Variants in FADS2 observed in about 807,000 individuals in gnomAD.
FADS2 encodes acyl-CoA 6-desaturase.
Under a neutral mutation model 61.2 loss-of-function variants are expected in FADS2, and 18 were observed. The ratio of observed to expected loss-of-function variants is 0.29; its 90% CI spans 0.20 to 0.44. The LOEUF (loss-of-function observed/expected upper bound fraction) is 0.44. FADS2 is among the 20% of genes least tolerant of loss of function. The pLI is 1.00. For synonymous variants in FADS2, 203 were observed against 223.9 expected (o/e 0.91, Z 0.83); for missense variants, 322 against 572.7 (o/e 0.56, Z 4.47).
At chr11:61,819,226 A>G (rs2067014570) in intron 1 of FADS2, among the ~76,000 whole-genome samples, 1 of 152,256 alleles carries the variant, frequency 6.6e-6, no homozygotes, top group Non-Finnish European at 1.5e-5. Flanking sequence ...TAGAAAAATA[A>G]AAATGTTCCC....
At chr11:61,863,181 C>T in intron 8 of FADS2, 101 bp from the exon 9 acceptor site, 1 of 1,439,024 alleles carries the variant, frequency 6.9e-7, no homozygotes, top group Non-Finnish European at 9.8e-7. Context: ...CCCATCCTGG[C>T]CCCTTGGCAG....
intron 5 of FADS2, among the ~76,000 whole-genome samples, chr11:61,849,019 G>A (rs537592530): frequency 1.2e-4 from 18 of 152,234 alleles, no homozygotes; most frequent in Admixed American, 3.3e-4. Flanking sequence ...TCCTGCCTCC[G>A]CCTCCCACGT....
chr11:61,840,820 G>A, intron 4 of FADS2, 95 bp downstream of exon 4: 1 of 959,780 alleles, frequency 1.0e-6, no homozygotes, highest in African/African-American at 1.6e-5. Context: ...GAGGCTACAG[G>A]GTGACAAGGC....
Position 61,828,462 on chromosome 11 carries a change from G to C in FADS2, c.72G>C (p.Glu24Asp). The change falls in exon 1 of 12, where the codon GAG becomes GAC. Residue 24 changes from glutamate to aspartate, a missense_variant. Coordinates refer to ENST00000278840, the MANE Select transcript of FADS2 (RefSeq NM_004265.4). The surrounding 1 kb of genome is among the most constrained non-coding windows in gnomAD (Gnocchi z 6.4). The part of the protein sequence containing the change: ...REVSVPTFSW[E>D]EIQKHNLRTD... ...TGTCGGTGCCCACCTTCAGCTGGGA[G>C]GAGATTCAGAAGCATAACCTGCGCA... The C allele has an allele frequency of 3.7e-6, 6 of 1,606,714 alleles. No homozygotes were observed. The highest frequency in any genetic ancestry group is 5.1e-6 in the Non-Finnish European group (6 of 1,177,550).
intron 5 of FADS2, among the ~76,000 whole-genome samples, chr11:61,850,652 A>G (rs963270929): frequency 6.6e-6 from 1 of 152,174 alleles, no homozygotes; most frequent in African/African-American, 2.4e-5. Flanking sequence ...TCGGGACCTA[A>G]TTTAGAAGAA....
chr11:61,828,807 G>T lies in FADS2; in HGVS notation c.207+210G>T, dbSNP rs920341747. The stretch of plus-strand genomic sequence containing the variant: ...GGTGGAGACCGGATCTGGGACCCGG[G>T]GAGGCGGCGCTGCGGTGAAAGTCCC... On this transcript the variant is annotated intron_variant, in intron 1 of 11. Coordinates refer to ENST00000278840, the MANE Select transcript of FADS2 (RefSeq NM_004265.4). The surrounding 1 kb of genome is among the most constrained non-coding windows in gnomAD (Gnocchi z 6.4). 30 of 565,780 alleles carry T rather than the reference G, an allele frequency of 5.3e-5. No individual in the cohort carries two copies. Among genetic ancestry groups the T allele is most frequent in the South Asian group, 1.3e-4 (6 of 47,394 alleles). 35.0% of individuals were successfully genotyped at this position (565,780 alleles called of 1,614,324 possible).
In FADS2 at chr11:61,849,414, T is replaced by TA. The variant is rs533725716; in HGVS notation, c.744+1137dup. On this transcript the variant is annotated intron_variant, in intron 5 of 11. Transcript: ENST00000278840. ...GGGCAATATAGCAAGACCCTGTCTC[T>TA]AAAAAAATACATATTTTTTTAGTTA... Among the ~76,000 whole-genome samples the TA allele has an allele frequency of 1.5e-4, 23 of 152,230 alleles. No individual in the cohort carries two copies. The East Asian group carries it at 4.2e-3, about 28-fold the overall frequency.
upstream of FADS2, chr11:61,828,240 G>A: frequency 1.4e-6 from 2 of 1,436,772 alleles, no homozygotes; most frequent in Non-Finnish European, 1.8e-6. The surrounding 1 kb of genome is among the most constrained non-coding windows in gnomAD (Gnocchi z 6.4). Flanking sequence ...AAGGCTGGGG[G>A]AGGGGGCGCG....
rs71046747 is a variant in FADS2 at position 61,845,030 on chromosome 11, CTTTTTTTTTTTTTT to C, written c.619-3111_619-3098del. On this transcript the variant is annotated intron_variant, in intron 4 of 11. Coordinates refer to ENST00000278840, the MANE Select transcript of FADS2 (RefSeq NM_004265.4). ...TGTTTCCATTAAAGCCAGAAGTGCA[CTTTTTTTTTTTTTT>C]TTTTTTTTTTTTTTTTTGCCTCAGG... Among the ~76,000 whole-genome samples, 60 of 44,162 alleles carry C rather than the reference CTTTTTTTTTTTTTT, an allele frequency of 1.4e-3. 2 individuals are homozygous for C. Among genetic ancestry groups the C allele is most frequent in the Admixed American group, 2.3e-3 (6 of 2,638 alleles). The allele number at this position is 44,162 out of a possible 152,430, so 29.0% of individuals were successfully genotyped here.
chr11:61,827,907 C>A (rs2067096764), upstream of FADS2: 1 of 464,912 alleles, frequency 2.2e-6, no homozygotes, highest in East Asian at 1.5e-4. The surrounding 1 kb of genome is among the most constrained non-coding windows in gnomAD (Gnocchi z 4.5). Context: ...GGACCCGCCG[C>A]TCCAGCCCGC....
At chr11:61,837,966 C>A (rs1591168705) in intron 2 of FADS2, 78 bp downstream of exon 2, 7 of 988,954 alleles carry the variant, frequency 7.1e-6, no homozygotes, top group Non-Finnish European at 1.1e-5. Context: ...GCTCCCCTTG[C>A]CCCATGACCA....
chr11:61,836,256 C>A (rs1313208242), intron 1 of FADS2, among the ~76,000 whole-genome samples: 4 of 152,138 alleles, frequency 2.6e-5, no homozygotes, highest in Non-Finnish European at 4.4e-5. Context: ...CGCCGCTACA[C>A]CTGGCTAATT....
chr11:61,857,629 C>G (rs1406427570), intron 7 of FADS2, 99 bp downstream of exon 7: 16 of 1,083,816 alleles, frequency 1.5e-5, no homozygotes, highest in Non-Finnish European at 2.1e-5. Context: ...CCCAGTGGAG[C>G]CTGTGGGGCC....
chr11:61,825,729 A>G (rs1306198319), upstream of FADS2, among the ~76,000 whole-genome samples: 10 of 151,466 alleles, frequency 6.6e-5, no homozygotes. Flanking sequence ...CGTCTCTACT[A>G]AAAATACAAA....
intron 4 of FADS2, among the ~76,000 whole-genome samples, chr11:61,841,516 T>C (rs1411909750): frequency 6.8e-6 from 1 of 147,782 alleles, no homozygotes; most frequent in African/African-American, 2.5e-5. Context: ...CTGGGCAACA[T>C]AGTGAGACCC....
chr11:61,824,447 GGAGGGAGGGAGGGA>G (rs1565325222), upstream of FADS2, among the ~76,000 whole-genome samples: 4 of 5,282 alleles, frequency 7.6e-4, no homozygotes, highest in Non-Finnish European at 1.2e-3. Context: ...AGGGAGGGAG[GGAGGGAGGGAGGGA>G]GAGAGAGAGA....
intron 1 of FADS2, among the ~76,000 whole-genome samples, chr11:61,817,858 C>T (rs976675513): frequency 5.3e-5 from 8 of 152,216 alleles, no homozygotes; most frequent in Non-Finnish European, 1.0e-4. Context: ...TACTGTGTGC[C>T]AGGCACTGTT....
In FADS2 at chr11:61,840,614, C is replaced by G; in HGVS notation, c.517-10C>G. On this transcript the variant is annotated splice_polypyrimidine_tract_variant and intron_variant, in intron 3 of 11. Coordinates refer to ENST00000278840, the MANE Select transcript of FADS2 (RefSeq NM_004265.4). ...AGGCTGTGACAGCACGTGTGACCCT[C>G]TCTCCCCAGGCCCAAGCTGGATGGC... is the stretch of plus-strand genomic sequence containing the variant. 1.9e-6 allele frequency: 3 copies of G among 1,614,086 alleles called. No individual in the cohort carries two copies. The highest frequency in any genetic ancestry group is 2.5e-6 in the Non-Finnish European group (3 of 1,179,930).
At chr11:61,851,713 G>A (rs532120633) in intron 5 of FADS2, among the ~76,000 whole-genome samples, 20 of 152,334 alleles carry the variant, frequency 1.3e-4, no homozygotes, top group Admixed American at 3.3e-4. Context: ...CAAGGATGCC[G>A]GCCAGGGCTT....
Sources: gnomAD v4.1 joint callset for allele counts (sites outside exome capture counted in the v4.1 genomes callset) on GRCh38, gnomAD v4.1.1 for gene constraint, Gnocchi (gnomAD v3.1) non-coding constraint, MANE v1.5 for transcripts, NCBI Gene and HGNC (gene_info 2026-07-23, HGNC 2026-07-21) for gene names.